The following TTC39A variants were observed in gnomAD, a reference collection of about 807,000 sequenced individuals.
The protein encoded by TTC39A is tetratricopeptide repeat protein 39A.
TTC39A carries 46 observed loss-of-function variants against 82.3 expected under a neutral mutation model. The observed-to-expected ratio is 0.56, with a 90% CI of 0.44 to 0.71. The LOEUF (loss-of-function observed/expected upper bound fraction) is 0.71, where lower values mean the gene tolerates loss of function less well. Among genes scored for constraint, TTC39A ranks in the 30% least tolerant of loss-of-function variants. TTC39A has a pLI of 0.00. For synonymous variants in TTC39A, 254 were observed against 275.2 expected (o/e 0.92, Z 0.76); for missense variants, 543 against 712.9 (o/e 0.76, Z 2.71).
At chr1:51,289,177 G>A (rs967856574) in intron 16 of TTC39A, among the ~76,000 whole-genome samples, 1 of 152,046 alleles carries the variant, frequency 6.6e-6, no homozygotes, top group African/African-American at 2.4e-5. Context: ...CCTAAGTCCC[G>A]ACCTCCCTTT....
Position 51,288,127 on chromosome 1 carries a change from T to C in TTC39A, c.*30A>G. 6.2e-7 allele frequency: 1 copy of C among 1,613,456 alleles called. No homozygotes were observed. Among genetic ancestry groups the C allele is most frequent in the Non-Finnish European group, 8.5e-7 (1 of 1,179,548 alleles). On this transcript the variant is annotated 3_prime_UTR_variant, in exon 18 of 18. Transcript: ENST00000680483. This position sits in a 1 kb window ranked among gnomAD's most constrained non-coding sequence, Gnocchi z 4.8. ...TTCAGGAGCTCTGTCCAGCTGTCTC[T>C]GTCTTCCAGCCCGGAACTGCTGCAC...
intron 1 of TTC39A, among the ~76,000 whole-genome samples, chr1:51,339,142 A>G (rs1166722544): frequency 6.6e-6 from 1 of 152,144 alleles, no homozygotes; most frequent in African/African-American, 2.4e-5. Flanking sequence ...ACCCTGTAAG[A>G]GGGAAGCTAA....
At chr1:51,342,954 G>A (rs528845607) in intron 1 of TTC39A, 19 of 431,336 alleles carry the variant, frequency 4.4e-5, no homozygotes, top group African/African-American at 8.1e-5. Flanking sequence ...GGACCACCAC[G>A]CCAGCCTCCC....
chr1:51,300,582 T>G (rs1644614190), intron 12 of TTC39A: 1 of 152,268 alleles, frequency 6.6e-6, no homozygotes, highest in Non-Finnish European at 1.5e-5. Flanking sequence ...AATAACAGAT[T>G]AGACGTTTGC....
intron 14 of TTC39A, among the ~76,000 whole-genome samples, chr1:51,291,745 G>T (rs572514975): frequency 2.7e-5 from 4 of 150,548 alleles, no homozygotes; most frequent in African/African-American, 9.8e-5. Flanking sequence ...AATCTAGGCT[G>T]CAGTGAGCTA....
chr1:51,335,781 G>C (rs72906185), upstream of TTC39A, among the ~76,000 whole-genome samples: 1,180 of 152,132 alleles, frequency 7.8e-3, 12 homozygotes, highest in African/African-American at 0.027. Context: ...AGTGGGAGAG[G>C]TCATAGAAAT....
At chr1:51,301,508 G>A (rs973092634) in intron 12 of TTC39A, 64 bp downstream of exon 12, 60 of 1,508,868 alleles carry the variant, frequency 4.0e-5, no homozygotes, top group South Asian at 3.9e-4. Context: ...GATTTGGCCC[G>A]TGGTCTGGAG....
At position 51,288,811 on chromosome 1, in the gene TTC39A, G is replaced by A; in HGVS notation, c.1610+28C>T. On this transcript the variant is annotated intron_variant, in intron 17 of 17. Transcript: ENST00000680483. This position sits in a 1 kb window ranked among gnomAD's most constrained non-coding sequence, Gnocchi z 4.8. ...CTGAGCTGAGTTCAGAGGGAGCAAA[G>A]GACAGACTGAGGTTACCCAAGCCTT... 1 of 1,568,666 alleles carries A rather than the reference G, an allele frequency of 6.4e-7. No homozygotes were observed. The highest frequency in any genetic ancestry group is 2.3e-5 in the East Asian group (1 of 43,116).
intron 1 of TTC39A, among the ~76,000 whole-genome samples, chr1:51,325,035 AC>A (rs1411678870): frequency 6.6e-6 from 1 of 150,652 alleles, no homozygotes; most frequent in African/African-American, 2.4e-5. Context: ...CGGGCGGATC[AC>A]CTGAGGTCAG....
chr1:51,303,271 G>T, intron 8 of TTC39A, 79 bp from the exon 9 acceptor site: 1 of 1,273,814 alleles, frequency 7.9e-7, no homozygotes, highest in Non-Finnish European at 1.1e-6. Context: ...TGTGGGCAGT[G>T]CTGCCGGCAC....
chr1:51,305,361 C>T (rs1456421989), intron 7 of TTC39A, among the ~76,000 whole-genome samples: 3 of 152,110 alleles, frequency 2.0e-5, no homozygotes. Context: ...GGAAGCCTAG[C>T]CAGGAAACCC....
upstream of TTC39A, chr1:51,330,832 G>T (rs1645892358): frequency 2.1e-6 from 1 of 481,544 alleles, no homozygotes; most frequent in East Asian, 3.8e-5. The surrounding 1 kb of genome is among the most constrained non-coding windows in gnomAD (Gnocchi z 4.5). Flanking sequence ...TCTTCTCCGG[G>T]ACCTGAGGTC....
chr1:51,340,351 CCATGAGGGACCTTT>C (rs774413939), intron 1 of TTC39A, among the ~76,000 whole-genome samples: 2 of 152,048 alleles, frequency 1.3e-5, no homozygotes, highest in African/African-American at 2.4e-5. Flanking sequence ...CCGAGAGGGT[CCATGAGGGACCTTT>C]CAGTTTTCAG....
rs1557724507 is a variant in TTC39A at position 51,312,134 on chromosome 1, C to T, written c.340G>A (p.Gly114Ser). ...GATGCCACACCTTCAGTGAATTGGC[C>T]CAGCGTGGGGCGGTTCACCAGGCTG... is the stretch of plus-strand genomic sequence containing the variant. ...FSSLVNRPTL[G>S]QFTEEEIHAE... Residue 114 changes from glycine to serine, a missense_variant, in exon 4 of 18, where the codon GGC becomes AGC. Gly to Ser is a moderately conservative substitution (Grantham distance 56). Transcript: ENST00000680483. 2 of 1,611,510 alleles carry T rather than the reference C, an allele frequency of 1.2e-6. No homozygotes were observed. Among genetic ancestry groups the T allele is most frequent in the Non-Finnish European group, 1.7e-6 (2 of 1,179,012 alleles).
chr1:51,289,033 A>G, intron 16 of TTC39A, 78 bp from the exon 17 acceptor site: 1 of 1,390,520 alleles, frequency 7.2e-7, no homozygotes, highest in Non-Finnish European at 9.9e-7. Flanking sequence ...CCTAACCCGA[A>G]CTCCAATTTT....
upstream of TTC39A, chr1:51,335,253 A>AT (rs1231969508): frequency 6.6e-6 from 1 of 152,216 alleles, no homozygotes; most frequent in Non-Finnish European, 1.5e-5. Context: ...TCAACTTAAG[A>AT]AGGCCCTTAA....
chr1:51,303,752 T>C (rs1323176939), intron 8 of TTC39A, among the ~76,000 whole-genome samples: 1 of 152,092 alleles, frequency 6.6e-6, no homozygotes, highest in Non-Finnish European at 1.5e-5. Context: ...CCTCAAACCC[T>C]CCATGGCTCC....
At chr1:51,323,914 T>C (rs1055257846) in intron 1 of TTC39A, among the ~76,000 whole-genome samples, 19 of 152,206 alleles carry the variant, frequency 1.2e-4, no homozygotes, top group African/African-American at 4.1e-4. Context: ...TCACAGTGGC[T>C]TATTTCCTTG....
At chr1:51,330,953 C>G (rs1353041494), upstream of TTC39A, 1 of 641,602 alleles carries the variant, frequency 1.6e-6, no homozygotes, top group Non-Finnish European at 2.8e-6. The surrounding 1 kb of genome is among the most constrained non-coding windows in gnomAD (Gnocchi z 4.5). Context: ...AAAGACAGCC[C>G]CCAGAGTCAG....
Sources: gnomAD v4.1 joint callset for allele counts (sites outside exome capture counted in the v4.1 genomes callset) on GRCh38, gnomAD v4.1.1 for gene constraint, Gnocchi (gnomAD v3.1) non-coding constraint, MANE v1.5 for transcripts, NCBI Gene and HGNC (gene_info 2026-07-23, HGNC 2026-07-21) for gene names.